Variants in ACER3 observed in about 807,000 individuals in gnomAD.
The protein encoded by ACER3 is alkaline ceramidase 3, also known as alkCDase 3.
ACER3 carries 16 observed loss-of-function variants against 48.9 expected under a neutral mutation model. That is an observed-to-expected ratio of 0.33 (90% CI 0.22 to 0.50). The LOEUF (loss-of-function observed/expected upper bound fraction) is 0.50, where lower values mean the gene tolerates loss of function less well. Ranked by LOEUF, ACER3 falls within the 20% of genes least tolerant of loss-of-function variation. ACER3 has a pLI of 0.98. For synonymous variants in ACER3, 109 were observed against 107.8 expected, an observed-to-expected ratio of 1.01 and a Z score of -0.07; for missense variants, 227 against 326.0, an observed-to-expected ratio of 0.70 and a Z score of 2.34.
chr11:76,925,822 G>A (rs1190266949), intron 1 of ACER3, among the ~76,000 whole-genome samples: 1 of 152,012 alleles, frequency 6.6e-6, no homozygotes, highest in Non-Finnish European at 1.5e-5. Flanking sequence ...CTTGATATTA[G>A]CATCTCTGCT....
At position 76,980,608 on chromosome 11, in the gene ACER3, T is replaced by A. The variant is rs1591026312; in HGVS notation, c.320+4267T>A. ...GAAGGACTGCCTGAGCCCCAGGAGGTTGAGGTTGCAATGAGCCACGATTGT... is the reference window on the plus strand; with the variant it reads ...GAAGGACTGCCTGAGCCCCAGGAGGATGAGGTTGCAATGAGCCACGATTGT... On this transcript the variant is annotated intron_variant, in intron 4 of 10. Coordinates refer to ENST00000532485, the MANE Select transcript of ACER3 (RefSeq NM_018367.7). Among the ~76,000 whole-genome samples the A allele has an allele frequency of 2.0e-5, 3 of 151,982 alleles. No homozygotes were observed. In the South Asian group the frequency reaches 6.2e-4, roughly 32 times the overall value.
At chr11:76,936,721 CTTTT>C (rs11428910) in intron 2 of ACER3, among the ~76,000 whole-genome samples, 1 of 143,316 alleles carries the variant, frequency 7.0e-6, no homozygotes, top group Non-Finnish European at 1.5e-5. Flanking sequence ...TTCTTTCTTT[CTTTT>C]TTTTTTTTTT....
intron 7 of ACER3, among the ~76,000 whole-genome samples, chr11:77,010,620 T>C (rs141034659): frequency 2.1e-4 from 32 of 152,208 alleles, no homozygotes; most frequent in African/African-American, 7.2e-4. Context: ...GCATGAGTTA[T>C]TAGACTGAAA....
chr11:77,005,954 G>GTATATTATATATATATACATATATA (rs1591060113), intron 7 of ACER3, among the ~76,000 whole-genome samples: 1 of 105,526 alleles, frequency 9.5e-6, no homozygotes, highest in Non-Finnish European at 2.0e-5. Flanking sequence ...TAATATATAT[G>GTATATTATATATATATACATATATA]TATATTATAT....
chr11:77,000,552 A>T (rs1261681779), intron 7 of ACER3, among the ~76,000 whole-genome samples: 3 of 152,100 alleles, frequency 2.0e-5, no homozygotes, highest in Non-Finnish European at 4.4e-5. Context: ...TACATTTTAC[A>T]TTTAAGTCTG....
chr11:77,011,741 G>T (rs1949268442), intron 7 of ACER3, among the ~76,000 whole-genome samples: 1 of 151,842 alleles, frequency 6.6e-6, no homozygotes, highest in Non-Finnish European at 1.5e-5. Flanking sequence ...ATTTATTATT[G>T]CCATTCACCA....
intron 1 of ACER3, among the ~76,000 whole-genome samples, chr11:76,862,961 C>T (rs748900527): frequency 7.1e-4 from 68 of 95,760 alleles, no homozygotes; most frequent in Non-Finnish European, 1.5e-3. Context: ...CATCGTGGCC[C>T]ATGCCTGTAA....
At chr11:76,931,781 T>C (rs976265937) in intron 2 of ACER3, among the ~76,000 whole-genome samples, 2 of 152,112 alleles carry the variant, frequency 1.3e-5, no homozygotes, top group African/African-American at 4.8e-5. Context: ...TTTAAGAATG[T>C]TGAATATTGG....
At chr11:76,915,312 C>T (rs1435071039) in intron 1 of ACER3, among the ~76,000 whole-genome samples, 1 of 152,072 alleles carries the variant, frequency 6.6e-6, no homozygotes, top group Non-Finnish European at 1.5e-5. Context: ...TGATACTTCC[C>T]TTAGGGTGGG....
At chr11:76,996,421 TTATTATTA>T (rs749501277) in intron 6 of ACER3, among the ~76,000 whole-genome samples, 5,341 of 151,178 alleles carry the variant, frequency 0.035, 147 homozygotes, top group Non-Finnish European at 0.056. Flanking sequence ...ATTATTATTA[TTATTATTA>T]TTTTTTGAGA....
intron 1 of ACER3, 55 bp downstream of exon 1, chr11:76,861,134 C>A: frequency 6.7e-7 from 1 of 1,482,356 alleles, no homozygotes; most frequent in African/African-American, 1.4e-5. Context: ...GCTGAGGAGA[C>A]GCCGTGTGAG....
intron 7 of ACER3, among the ~76,000 whole-genome samples, chr11:77,009,717 A>T (rs1949222553): frequency 6.6e-6 from 1 of 152,124 alleles, no homozygotes; most frequent in Admixed American, 6.6e-5. Flanking sequence ...AGGCTGAGGC[A>T]GGAGGATTGA....
intron 1 of ACER3, among the ~76,000 whole-genome samples, chr11:76,897,547 TA>T (rs36120118): frequency 1.7e-4 from 26 of 151,520 alleles, no homozygotes; most frequent in Admixed American, 5.3e-4. Context: ...TATGTAATAT[TA>T]AAAAAAAACA....
At chr11:77,011,316 A>G in intron 7 of ACER3, 1 of 985,458 alleles carries the variant, frequency 1.0e-6, no homozygotes, top group Non-Finnish European at 1.2e-6. Context: ...AAAGACATTC[A>G]TTTTACCCCA....
intron 9 of ACER3, among the ~76,000 whole-genome samples, chr11:77,018,737 T>G (rs1442722461): frequency 1.3e-5 from 2 of 152,240 alleles, no homozygotes; most frequent in Non-Finnish European, 2.9e-5. Context: ...AACATTGCCT[T>G]AAGCCAAGGC....
chr11:76,935,960 GA>G (rs1413174274), intron 2 of ACER3, among the ~76,000 whole-genome samples: 3 of 152,182 alleles, frequency 2.0e-5, no homozygotes, highest in Non-Finnish European at 4.4e-5. Flanking sequence ...ATCCAGTCAT[GA>G]GTACTGAAAA....
chr11:76,928,987 A>G (rs1243547579), intron 2 of ACER3, among the ~76,000 whole-genome samples: 10 of 152,168 alleles, frequency 6.6e-5, no homozygotes, highest in Admixed American at 6.5e-4. Context: ...GGTTTTTCCA[A>G]TTCTGTGAAG....
intron 1 of ACER3, among the ~76,000 whole-genome samples, chr11:76,923,040 T>A (rs73489508): frequency 0.027 from 4,035 of 151,944 alleles, 170 homozygotes; most frequent in African/African-American, 0.092. Flanking sequence ...ATAAAAAAAA[T>A]TTAAAAATCT....
chr11:76,973,887 G>A, intron 3 of ACER3, among the ~76,000 whole-genome samples: 1 of 152,100 alleles, frequency 6.6e-6, no homozygotes, highest in Non-Finnish European at 1.5e-5. Context: ...GGTCCATTTT[G>A]AGTTAATTAT....
Sources: gnomAD v4.1 joint callset for allele counts (sites outside exome capture counted in the v4.1 genomes callset) on GRCh38, gnomAD v4.1.1 for gene constraint, MANE v1.5 for transcripts, NCBI Gene and HGNC (gene_info 2026-07-23, HGNC 2026-07-21) for gene names.